Variants in NOX4 observed in about 807,000 individuals in gnomAD.
NOX4 encodes NADPH oxidase 4.
NOX4 carries 69 observed loss-of-function variants against 87.6 expected under a neutral mutation model. That is an observed-to-expected ratio of 0.79 (90% CI 0.65 to 0.96). The LOEUF (loss-of-function observed/expected upper bound fraction) is 0.96. NOX4 is among the 40% of genes least tolerant of loss of function. NOX4 has a pLI of 0.00. For synonymous variants in NOX4, 275 were observed against 238.2 expected, an observed-to-expected ratio of 1.15 and a Z score of -1.42; for missense variants, 680 against 681.5, an observed-to-expected ratio of 1.00 and a Z score of 0.02.
chr11:89,442,260 CAG>C (rs760465257), intron 5 of NOX4, among the ~76,000 whole-genome samples: 2 of 151,144 alleles, frequency 1.3e-5, no homozygotes, highest in Non-Finnish European at 3.0e-5. Context: ...GAAAAAAAAA[CAG>C]AGATGAGTTG....
intron 13 of NOX4, among the ~76,000 whole-genome samples, chr11:89,351,098 T>C (rs1416528017): frequency 6.6e-6 from 1 of 152,196 alleles, no homozygotes; most frequent in Non-Finnish European, 1.5e-5. Flanking sequence ...AAATTTAAAG[T>C]GCTACTTCAG....
At chr11:89,423,990 C>A (rs1422517030) in intron 7 of NOX4, among the ~76,000 whole-genome samples, 1 of 151,936 alleles carries the variant, frequency 6.6e-6, no homozygotes, top group Non-Finnish European at 1.5e-5. Context: ...TCACTTGAGC[C>A]TGGGAGGTCA....
chr11:89,468,494 A>G (rs986803419), intron 2 of NOX4, among the ~76,000 whole-genome samples: 3 of 152,180 alleles, frequency 2.0e-5, no homozygotes, highest in Non-Finnish European at 4.4e-5. Flanking sequence ...GCTAATTTTA[A>G]GATTGTGTTA....
intron 4 of NOX4, among the ~76,000 whole-genome samples, chr11:89,447,377 T>A (rs1228211156): frequency 1.3e-5 from 2 of 152,186 alleles, no homozygotes. Flanking sequence ...AGGTAACAGC[T>A]ATAGAAAATA....
intron 12 of NOX4, among the ~76,000 whole-genome samples, chr11:89,369,336 A>T (rs540602784): frequency 2.6e-5 from 4 of 152,168 alleles, no homozygotes; most frequent in African/African-American, 9.6e-5. Flanking sequence ...CAATCTATAA[A>T]CCATGGCTAA....
At chr11:89,385,355 T>A (rs1453326655) in intron 11 of NOX4, among the ~76,000 whole-genome samples, 1 of 152,142 alleles carries the variant, frequency 6.6e-6, no homozygotes, top group East Asian at 1.9e-4. Flanking sequence ...GCTTATGCTG[T>A]TAAGGTAGCT....
chr11:89,401,194 C>A (rs317143), intron 9 of NOX4, among the ~76,000 whole-genome samples: 14 of 151,902 alleles, frequency 9.2e-5, no homozygotes, highest in Admixed American at 9.2e-4. Context: ...TGCAGACAGA[C>A]CATGCCTCTT....
intron 2 of NOX4, among the ~76,000 whole-genome samples, chr11:89,456,813 G>A (rs558812498): frequency 6.6e-6 from 1 of 152,292 alleles, no homozygotes; most frequent in East Asian, 1.9e-4. Flanking sequence ...CTGCAGTGGA[G>A]TATGGCTAGG....
chr11:89,485,330 C>T (rs1946549703), intron 2 of NOX4, among the ~76,000 whole-genome samples: 1 of 151,972 alleles, frequency 6.6e-6, no homozygotes, highest in Admixed American at 6.6e-5. Context: ...CTTATCCTGA[C>T]ACCATGTGAA....
chr11:89,570,127 G>A, the NOX4 span, among the ~76,000 whole-genome samples: 1 of 152,322 alleles, frequency 6.6e-6, no homozygotes, highest in Non-Finnish European at 1.5e-5. Flanking sequence ...TGCTGAACTG[G>A]ATAAAGGAAA....
the NOX4 span, among the ~76,000 whole-genome samples, chr11:89,510,926 G>A: frequency 6.6e-6 from 1 of 151,932 alleles, no homozygotes; most frequent in Non-Finnish European, 1.5e-5. Flanking sequence ...TCTAAGGACA[G>A]ATAATGTATT....
chr11:89,329,792 T>G (rs1339551526), intron 17 of NOX4, among the ~76,000 whole-genome samples: 1 of 151,920 alleles, frequency 6.6e-6, no homozygotes, highest in East Asian at 1.9e-4. Context: ...AACAAAAATA[T>G]TTTTTCAGAA....
chr11:89,581,094 G>C, the NOX4 span, among the ~76,000 whole-genome samples: 1 of 152,138 alleles, frequency 6.6e-6, no homozygotes, highest in Non-Finnish European at 1.5e-5. Context: ...CCAGTAATTT[G>C]GTTAGATCAC....
At chr11:89,500,071 C>T (rs1947000826), upstream of NOX4, among the ~76,000 whole-genome samples, 1 of 152,050 alleles carries the variant, frequency 6.6e-6, no homozygotes, top group South Asian at 2.1e-4. Context: ...GTAATGTATT[C>T]TATTATGTGT....
chr11:89,332,546 T>C (rs1847132), intron 17 of NOX4, among the ~76,000 whole-genome samples: 11,651 of 151,936 alleles, frequency 0.077, 806 homozygotes, highest in African/African-American at 0.17. Context: ...ATATCTCTAT[T>C]TCAAAATAAT....
the NOX4 span, among the ~76,000 whole-genome samples, chr11:89,512,225 A>G: frequency 1.3e-5 from 2 of 152,092 alleles, no homozygotes; most frequent in Non-Finnish European, 2.9e-5. Context: ...TAATAGACAT[A>G]TCCATCATTG....
At chr11:89,374,681 G>A (rs972818785) in intron 11 of NOX4, among the ~76,000 whole-genome samples, 4 of 152,208 alleles carry the variant, frequency 2.6e-5, no homozygotes, top group African/African-American at 9.6e-5. Context: ...TTAAAGTAAA[G>A]ATACATAAAA....
rs1239243006 is a variant in NOX4, at chr11:89,373,227, T to C, written c.1135+205A>G. Among the ~76,000 whole-genome samples, 4 of 137,074 alleles carry C rather than the reference T, an allele frequency of 2.9e-5. 1 individual carries two copies. The highest frequency in any genetic ancestry group is 1.1e-4 in the African/African-American group (4 of 35,512). The allele number at this position is 137,074 out of a possible 152,430, so 89.9% of individuals were successfully genotyped here. On this transcript the variant is annotated intron_variant, in intron 12 of 17. Coordinates refer to ENST00000263317, the MANE Select transcript of NOX4 (RefSeq NM_016931.5). ...TTACTGATATCAAAGGTATTCTGAT[T>C]GCAAAAATGCATCTTAAAAGAGAAA...
intron 17 of NOX4, among the ~76,000 whole-genome samples, chr11:89,327,718 A>G (rs1196811678): frequency 6.6e-6 from 1 of 152,162 alleles, no homozygotes; most frequent in Non-Finnish European, 1.5e-5. Context: ...ACTGAACAAA[A>G]GACATTGAAT....
Sources: gnomAD v4.1 joint callset for allele counts (sites outside exome capture counted in the v4.1 genomes callset) on GRCh38, gnomAD v4.1.1 for gene constraint, MANE v1.5 for transcripts, NCBI Gene and HGNC (gene_info 2026-07-23, HGNC 2026-07-21) for gene names.